The following ARHGAP15 variants were observed in gnomAD, a reference collection of about 807,000 sequenced individuals.
ARHGAP15 encodes Rho GTPase activating protein 15.
A neutral mutation model predicts 63.7 loss-of-function variants in ARHGAP15; 51 were observed. The ratio of observed to expected loss-of-function variants is 0.80; its 90% confidence interval spans 0.64 to 1.01. The LOEUF (loss-of-function observed/expected upper bound fraction) is 1.01, where lower values mean the gene tolerates loss of function less well. Ranked by LOEUF, ARHGAP15 falls within the 50% of genes least tolerant of loss-of-function variation. The pLI is 0.00. For synonymous variants in ARHGAP15, 191 were observed against 193.8 expected, an observed-to-expected ratio of 0.99 and a Z score of 0.12; for missense variants, 560 against 564.6, an observed-to-expected ratio of 0.99 and a Z score of 0.08.
At chr2:143,555,345 C>G (rs965225379) in intron 10 of ARHGAP15, among the ~76,000 whole-genome samples, 1 of 152,106 alleles carries the variant, frequency 6.6e-6, no homozygotes, top group Non-Finnish European at 1.5e-5. Flanking sequence ...TTGTGAATTA[C>G]AATGATTATC....
At chr2:143,262,402 A>G (rs1574173316) in intron 6 of ARHGAP15, among the ~76,000 whole-genome samples, 1 of 152,144 alleles carries the variant, frequency 6.6e-6, no homozygotes, top group Non-Finnish European at 1.5e-5. Flanking sequence ...GTATGAGGCC[A>G]TATTTGATAT....
At chr2:143,605,634 C>T (rs1304970339) in intron 11 of ARHGAP15, among the ~76,000 whole-genome samples, 1 of 151,808 alleles carries the variant, frequency 6.6e-6, no homozygotes, top group African/African-American at 2.4e-5. Context: ...GAATCAGATT[C>T]GCGGCATTTA....
chr2:143,519,556 A>G (rs1319473672), intron 10 of ARHGAP15, 192 bp downstream of exon 10: 1 of 425,276 alleles, frequency 2.4e-6, no homozygotes, highest in Non-Finnish European at 4.4e-6. Context: ...AGTAATTCTC[A>G]CTAATGTTCT....
chr2:143,319,037 T>A (rs1021250464), intron 6 of ARHGAP15, among the ~76,000 whole-genome samples: 4 of 152,120 alleles, frequency 2.6e-5, no homozygotes, highest in African/African-American at 9.7e-5. Context: ...TCCTATAGAT[T>A]TGTGTAGTTA....
chr2:143,375,561 A>G (rs903415188), intron 6 of ARHGAP15, among the ~76,000 whole-genome samples: 6 of 152,206 alleles, frequency 3.9e-5, no homozygotes, highest in African/African-American at 7.2e-5. Flanking sequence ...TGTTAGAACA[A>G]CAGTGCAAGG....
At chr2:143,507,058 G>T (rs541196984) in intron 9 of ARHGAP15, among the ~76,000 whole-genome samples, 2 of 152,178 alleles carry the variant, frequency 1.3e-5, no homozygotes, top group African/African-American at 4.8e-5. Context: ...AATACAAGTA[G>T]AAGAAACTGC....
intron 9 of ARHGAP15, among the ~76,000 whole-genome samples, chr2:143,510,625 A>G (rs1185407362): frequency 6.6e-6 from 1 of 152,210 alleles, no homozygotes; most frequent in East Asian, 1.9e-4. Flanking sequence ...ACATCATTCA[A>G]ATAAACTTTC....
intron 9 of ARHGAP15, among the ~76,000 whole-genome samples, chr2:143,488,786 G>A (rs985326507): frequency 1.4e-4 from 21 of 152,220 alleles, no homozygotes; most frequent in African/African-American, 5.1e-4. Flanking sequence ...TGAACCAATT[G>A]TAGAAGGTGA....
chr2:143,411,809 G>T lies in ARHGAP15; in HGVS notation c.475-23792G>T, dbSNP rs570150018. Among the ~76,000 whole-genome samples the T allele has an allele frequency of 1.2e-4, 18 of 152,256 alleles. No homozygotes were observed. The South Asian group carries it at 2.1e-3, about 18-fold the overall frequency. On this transcript the variant is annotated intron_variant, in intron 6 of 13. Transcript: ENST00000295095. ...ATTAAAATCTATTATAAGAAAAATC[G>T]AGAAAGTAATAGCAAGTAGTGAGAA...
chr2:143,378,507 G>T (rs79852234), intron 6 of ARHGAP15, among the ~76,000 whole-genome samples: 2,933 of 152,042 alleles, frequency 0.019, 97 homozygotes, highest in African/African-American at 0.066. Context: ...TGATAACAGC[G>T]GTAGTTTATA....
At chr2:143,748,614 A>G (rs892941072) in intron 13 of ARHGAP15, among the ~76,000 whole-genome samples, 5 of 152,210 alleles carry the variant, frequency 3.3e-5, no homozygotes, top group Non-Finnish European at 7.4e-5. Flanking sequence ...CTCTACACAC[A>G]GATATCACTT....
chr2:143,711,900 A>G (rs544881043), intron 13 of ARHGAP15, among the ~76,000 whole-genome samples: 2 of 152,228 alleles, frequency 1.3e-5, no homozygotes, highest in African/African-American at 4.8e-5. Context: ...AATGCACTCT[A>G]GGCAACAAAG....
intron 6 of ARHGAP15, among the ~76,000 whole-genome samples, chr2:143,375,719 A>T (rs1686780014): frequency 6.6e-6 from 1 of 152,228 alleles, no homozygotes; most frequent in African/African-American, 2.4e-5. Context: ...AAAGAGAGCA[A>T]ACCCACTGAT....
At chr2:143,556,373 A>G in intron 10 of ARHGAP15, 35 bp from the exon 11 acceptor site, 2 of 1,489,350 alleles carry the variant, frequency 1.3e-6, no homozygotes, top group Non-Finnish European at 9.2e-7. Context: ...CAATTCCTAT[A>G]TGTGCTAATA....
chr2:143,276,538 T>C (rs1391506816), intron 6 of ARHGAP15, among the ~76,000 whole-genome samples: 1 of 152,214 alleles, frequency 6.6e-6, no homozygotes, highest in Non-Finnish European at 1.5e-5. Context: ...TTGTTAGACA[T>C]TTTTTGTTAA....
rs1256051000 is a variant in ARHGAP15, at chr2:143,133,252, A to G, written c.-15+3786A>G. Among the ~76,000 whole-genome samples the G allele has an allele frequency of 2.0e-5, 3 of 152,226 alleles. No homozygotes were observed. The East Asian group carries it at 5.8e-4, about 29-fold the overall frequency. ...GGAAGGAAATATGTCAAGGCACAAAAACACGGCGTGTCAGAGAATTCCAAA... is the reference window on the plus strand; with the variant it reads ...GGAAGGAAATATGTCAAGGCACAAAGACACGGCGTGTCAGAGAATTCCAAA... On this transcript the variant is annotated intron_variant, in intron 1 of 13. Coordinates refer to ENST00000295095, the MANE Select transcript of ARHGAP15 (RefSeq NM_018460.4).
chr2:143,423,463 T>C (rs1465352743), intron 6 of ARHGAP15, among the ~76,000 whole-genome samples: 2 of 152,150 alleles, frequency 1.3e-5, no homozygotes, highest in Non-Finnish European at 2.9e-5. Context: ...CTATTCCAGA[T>C]ACTTGGCTGA....
At chr2:143,136,257 G>A (rs139334912) in intron 1 of ARHGAP15, among the ~76,000 whole-genome samples, 141 of 151,226 alleles carry the variant, frequency 9.3e-4, no homozygotes, top group African/African-American at 3.0e-3. Context: ...TACTGTTCAC[G>A]TGACTTTTCT....
At chr2:143,134,887 T>C (rs1413410451) in intron 1 of ARHGAP15, among the ~76,000 whole-genome samples, 2 of 152,000 alleles carry the variant, frequency 1.3e-5, no homozygotes, top group Non-Finnish European at 2.9e-5. Flanking sequence ...TCTGCCCACC[T>C]TGACCTCCCA....
Sources: gnomAD v4.1 joint callset for allele counts (sites outside exome capture counted in the v4.1 genomes callset) on GRCh38, gnomAD v4.1.1 for gene constraint, MANE v1.5 for transcripts, NCBI Gene and HGNC (gene_info 2026-07-23, HGNC 2026-07-21) for gene names.